UBE2D3: variants seen among roughly 807,000 people sequenced by gnomAD.
The protein encoded by UBE2D3 is ubiquitin-conjugating enzyme E2 D3.
In UBE2D3, 2 loss-of-function variants were observed where a neutral mutation model predicts 22.8. That is an observed-to-expected ratio of 0.09 (90% CI 0.04 to 0.28). UBE2D3 has a LOEUF of 0.28. UBE2D3 is among the 10% of genes least tolerant of loss of function. UBE2D3 has a pLI of 1.00. For synonymous variants in UBE2D3, 56 were observed against 60.4 expected (o/e 0.93, Z 0.34); for missense variants, 27 against 182.5 (o/e 0.15, Z 4.91).
intron 2 of UBE2D3, chr4:102,810,686 C>A (rs1402258451): frequency 2.6e-5 from 4 of 152,144 alleles, no homozygotes; most frequent in Non-Finnish European, 5.9e-5. Flanking sequence ...ATATAGTCTG[C>A]ACAATTCAAT....
chr4:102,811,228 C>T (rs910460903), intron 2 of UBE2D3: 3 of 152,296 alleles, frequency 2.0e-5, no homozygotes, highest in African/African-American at 7.2e-5. Context: ...TGCCTGGGGT[C>T]CTAGCTACTC....
At chr4:102,818,967 T>C (rs1729155827) in intron 2 of UBE2D3, among the ~76,000 whole-genome samples, 1 of 152,156 alleles carries the variant, frequency 6.6e-6, no homozygotes, top group Admixed American at 6.5e-5. Flanking sequence ...AACCACAGGC[T>C]ACAAAGAACA....
chr4:102,797,872 GAAC>G (rs1289325041), intron 7 of UBE2D3, among the ~76,000 whole-genome samples: 2 of 151,838 alleles, frequency 1.3e-5, no homozygotes, highest in African/African-American at 4.8e-5. Context: ...GCTTTTACTA[GAAC>G]AATTTTATCT....
intron 1 of UBE2D3, among the ~76,000 whole-genome samples, chr4:102,841,537 A>C (rs191111537): frequency 9.9e-5 from 15 of 152,242 alleles, no homozygotes; most frequent in Non-Finnish European, 1.5e-5. Context: ...ATGAGTGTCC[A>C]TTTCTACTTA....
chr4:102,823,492 A>G (rs1729957285), intron 2 of UBE2D3, among the ~76,000 whole-genome samples: 1 of 152,236 alleles, frequency 6.6e-6, no homozygotes, highest in African/African-American at 2.4e-5. Flanking sequence ...TTCCAGAAAT[A>G]AAAACCCTTA....
intron 1 of UBE2D3, among the ~76,000 whole-genome samples, chr4:102,866,625 C>G (rs560032438): frequency 1.3e-5 from 2 of 152,266 alleles, no homozygotes; most frequent in African/African-American, 2.4e-5. Context: ...TAATGCACAA[C>G]AATCACAAAC....
At chr4:102,807,575 T>G (rs1423608096) in intron 4 of UBE2D3, among the ~76,000 whole-genome samples, 4 of 152,202 alleles carry the variant, frequency 2.6e-5, no homozygotes, top group Admixed American at 2.6e-4. Flanking sequence ...TAAATGGTTC[T>G]GAAAATCACA....
At chr4:102,814,539 G>C (rs767695819) in intron 2 of UBE2D3, among the ~76,000 whole-genome samples, 5 of 149,590 alleles carry the variant, frequency 3.3e-5, no homozygotes, top group Non-Finnish European at 7.4e-5. Context: ...CTGACCTCAA[G>C]TGATCCGCCT....
chr4:102,841,523 C>G (rs1464720787), intron 1 of UBE2D3, among the ~76,000 whole-genome samples: 2 of 152,170 alleles, frequency 1.3e-5, no homozygotes, highest in Non-Finnish European at 2.9e-5. Flanking sequence ...CCTTCCCTTT[C>G]CTTATGAGTG....
intron 7 of UBE2D3, chr4:102,799,025 T>C (rs777646106): frequency 1.4e-5 from 22 of 1,545,430 alleles, no homozygotes; most frequent in African/African-American, 5.4e-5. Context: ...ATGAAAGTTA[T>C]AATGGTTAAG....
At chr4:102,815,209 A>G (rs1032840738) in intron 2 of UBE2D3, among the ~76,000 whole-genome samples, 1 of 151,886 alleles carries the variant, frequency 6.6e-6, no homozygotes, top group Non-Finnish European at 1.5e-5. Flanking sequence ...ACACCCGGCT[A>G]ATTTTTTGTA....
chr4:102,863,132 C>A (rs537764488), intron 1 of UBE2D3, among the ~76,000 whole-genome samples: 68 of 152,090 alleles, frequency 4.5e-4, no homozygotes, highest in Non-Finnish European at 8.7e-4. Flanking sequence ...CTCATAGCAA[C>A]CTCCGTCTCC....
At chr4:102,827,355 C>T in intron 1 of UBE2D3, 72 bp downstream of exon 1, 1 of 983,854 alleles carries the variant, frequency 1.0e-6, no homozygotes, top group Non-Finnish European at 1.2e-6. Context: ...AGGTCCCGCA[C>T]TGCCCCTCTT....
At chr4:102,852,608 TATA>T (rs1396895426) in intron 1 of UBE2D3, among the ~76,000 whole-genome samples, 3 of 152,222 alleles carry the variant, frequency 2.0e-5, no homozygotes, top group Non-Finnish European at 2.9e-5. Flanking sequence ...TTGATAGCTG[TATA>T]ATATTTTATA....
intron 1 of UBE2D3, among the ~76,000 whole-genome samples, chr4:102,858,195 G>A (rs914940995): frequency 6.6e-5 from 10 of 151,936 alleles, no homozygotes; most frequent in African/African-American, 2.4e-4. Flanking sequence ...AAAACACCAT[G>A]ATTTGGCATA....
chr4:102,827,930 C>G (rs981675929), upstream of UBE2D3: 5 of 985,576 alleles, frequency 5.1e-6, no homozygotes, highest in Non-Finnish European at 6.0e-6. Context: ...CACAGCGTCC[C>G]CCAGTTTCCT....
At chr4:102,847,669 G>A (rs1357734004) in intron 1 of UBE2D3, among the ~76,000 whole-genome samples, 1 of 147,324 alleles carries the variant, frequency 6.8e-6, no homozygotes, top group Non-Finnish European at 1.5e-5. Context: ...TTAGAGATAG[G>A]GTCCCACTCT....
chr4:102,823,386 G>C (rs1729938323), intron 2 of UBE2D3, among the ~76,000 whole-genome samples: 1 of 152,152 alleles, frequency 6.6e-6, no homozygotes, highest in Non-Finnish European at 1.5e-5. Context: ...GGTGGTAGGA[G>C]GGAAACGAAG....
At chr4:102,819,566 T>C (rs1729263133) in intron 2 of UBE2D3, 2 of 985,274 alleles carry the variant, frequency 2.0e-6, no homozygotes, top group Admixed American at 6.1e-5. Flanking sequence ...AGGTTTTAAG[T>C]GTCAACCCTA....
Sources: allele counts gnomAD v4.1 joint callset (sites outside exome capture counted in the v4.1 genomes callset), GRCh38; gene constraint gnomAD v4.1.1; transcripts MANE v1.5; gene names NCBI Gene and HGNC (gene_info 2026-07-23, HGNC 2026-07-21).